The following GBGT1 variants were observed in gnomAD, a reference collection of about 807,000 sequenced individuals.
The protein encoded by GBGT1 is globoside alpha-1,3-N-acetylgalactosaminyltransferase 1 (FORS blood group).
In GBGT1, 18 loss-of-function variants were observed where a neutral mutation model predicts 20.9. The ratio of observed to expected loss-of-function variants is 0.86; its 90% CI spans 0.60 to 1.28. GBGT1 has a LOEUF of 1.28. Ranked by LOEUF, GBGT1 falls within the 50% of genes most tolerant of loss-of-function variation. The probability of loss-of-function intolerance (pLI) is 0.00; values close to 1 mark genes in which losing one functional copy is unlikely to be tolerated. For missense variants in GBGT1, 432 were observed against 455.7 expected (o/e 0.95, Z 0.47); for synonymous variants, 168 against 180.8 (o/e 0.93, Z 0.57).
In GBGT1 at chr9:133,155,092, T is replaced by C. The variant is rs1367709245; in HGVS notation, c.359+86A>G. ...CTCCCGGGTGCCCAGCAGGGTCCTG[T>C]GTGCACGTCTGGTCTGGTCTCTTCC... On this transcript the variant is annotated intron_variant, in intron 6 of 6. Transcript: ENST00000372040. The C allele has an allele frequency of 3.2e-6, 4 of 1,254,414 alleles. No homozygotes were observed. The African/African-American group carries it at 4.4e-5, about 14-fold the overall frequency. The allele number at this position is 1,254,414 out of a possible 1,614,324, so 77.7% of individuals were successfully genotyped here.
In GBGT1 at chr9:133,162,343, A is replaced by G; in HGVS notation, c.70T>C (p.Trp24Arg). 6.2e-7 allele frequency: 1 copy of G among 1,610,422 alleles called. No individual in the cohort carries two copies. The highest frequency in any genetic ancestry group is 1.1e-5 in the South Asian group (1 of 90,124). Reference sequence around the variant, plus strand: ...GGGAGCTCCGTGGGGCAGACTCACCACAGGACACTGAGGCTTGTGCCCGCC... The same window carrying G: ...GGGAGCTCCGTGGGGCAGACTCACCGCAGGACACTGAGGCTTGTGCCCGCC... ...LLAGTSLSVLWVYLENWLPVS... is the reference protein window; with the variant it reads ...LLAGTSLSVLRVYLENWLPVS... Residue 24 changes from tryptophan to arginine, a missense_variant and splice_region_variant, in exon 2 of 7, where the codon TGG becomes CGG. Transcript: ENST00000372040.
chr9:133,162,582 A>T, intron 1 of GBGT1, 50 bp from the exon 2 acceptor site: 1 of 634,128 alleles, frequency 1.6e-6, no homozygotes, highest in Non-Finnish European at 2.9e-6. Flanking sequence ...ACTCTTGTCA[A>T]CTGGGCTGGA....
chr9:133,157,311 C>G lies in GBGT1; in HGVS notation c.138-1246G>C, dbSNP rs35045388. 4.4e-3 allele frequency among the ~76,000 whole-genome samples: 643 copies of G among 146,714 alleles called. 6 individuals carry two copies. Among genetic ancestry groups the G allele is most frequent in the Middle Eastern group, 0.017 (5 of 286 alleles). ...TCAAAAAAAAAAAAAAAAAAAAGAA[C>G]TTCACCTGTGGGCTGTGGTGTCTGC... is the stretch of plus-strand genomic sequence containing the variant. On this transcript the variant is annotated intron_variant, in intron 3 of 6. Coordinates refer to ENST00000372040, the MANE Select transcript of GBGT1 (RefSeq NM_021996.6).
At position 133,154,237 on chromosome 9, in the gene GBGT1, G is replaced by C; in HGVS notation, c.384C>G (p.Phe128Leu). ...VGKYTHFIQS[F>L]LESAEEFFMR... Reference sequence around the variant, plus strand: ...TGAAGAACTCCTCGGCTGACTCCAGGAAGGACTGGATGAAATGAGTGTACC... The same window carrying C: ...TGAAGAACTCCTCGGCTGACTCCAGCAAGGACTGGATGAAATGAGTGTACC... Residue 128 changes from phenylalanine to leucine, a missense_variant, in exon 7 of 7, where the codon TTC becomes TTG. Coordinates refer to ENST00000372040, the MANE Select transcript of GBGT1 (RefSeq NM_021996.6). This position sits in a 1 kb window ranked among gnomAD's most constrained non-coding sequence, Gnocchi z 4.2. 2 of 1,532,478 alleles carry C rather than the reference G, an allele frequency of 1.3e-6. No homozygotes were observed. The highest frequency in any genetic ancestry group is 2.5e-5 in the South Asian group (2 of 79,188). 94.9% of individuals were successfully genotyped at this position (1,532,478 alleles called of 1,614,324 possible).
At chr9:133,159,821 T>C (rs1832979527) in intron 3 of GBGT1, among the ~76,000 whole-genome samples, 1 of 150,200 alleles carries the variant, frequency 6.7e-6, no homozygotes, top group African/African-American at 2.5e-5. Flanking sequence ...ACACACAAGA[T>C]AGACAAACTG....
In GBGT1 at chr9:133,153,811, G is replaced by T; in HGVS notation, c.810C>A (p.Ala270=). 1 of 1,589,288 alleles carries T rather than the reference G, an allele frequency of 6.3e-7. No individual in the cohort carries two copies. The highest frequency in any genetic ancestry group is 1.1e-5 in the South Asian group (1 of 87,806). Reference sequence around the variant, plus strand: ...AGCCCCTAGTAAACTCATATACCCTGGCCACCTGCCCCCCGAAGACTGCCC... The same window carrying T: ...AGCCCCTAGTAAACTCATATACCCTTGCCACCTGCCCCCCGAAGACTGCCC... ...YGGAVFGGQV[A]RVYEFTRGCH... is the part of the protein sequence containing the mutation. The change falls in exon 7 of 7, where the codon GCC becomes GCA. Residue 270 remains alanine, a synonymous_variant. Coordinates refer to ENST00000372040, the MANE Select transcript of GBGT1 (RefSeq NM_021996.6).
Position 133,154,362 on chromosome 9 carries a change from C to A in GBGT1, c.360-101G>T. The A allele has an allele frequency of 1.6e-6, 1 of 634,658 alleles. No homozygotes were observed. The highest frequency in any genetic ancestry group is 2.7e-5 in the East Asian group (1 of 36,970). 39.3% of individuals were successfully genotyped at this position (634,658 alleles called of 1,614,324 possible). On this transcript the variant is annotated intron_variant, in intron 6 of 6. Transcript: ENST00000372040. The surrounding 1 kb of genome is among the most constrained non-coding windows in gnomAD (Gnocchi z 4.2). ...AGGCTGGGGTCCACTTACCAGCTCC[C>A]CATCTCAAGATGTCACTCTGCTCTG...
At chr9:133,157,055 G>A (rs915581944) in intron 3 of GBGT1, among the ~76,000 whole-genome samples, 2 of 152,146 alleles carry the variant, frequency 1.3e-5, no homozygotes, top group South Asian at 2.1e-4. Flanking sequence ...GGCCCAACGC[G>A]GGCAAAGCGC....
rs1269239273 is a variant in GBGT1 at position 133,153,725 on chromosome 9, C to A, written c.896G>T (p.Ser299Ile). 1.9e-6 allele frequency: 3 copies of A among 1,613,680 alleles called. No homozygotes were observed. The highest frequency in any genetic ancestry group is 2.5e-6 in the Non-Finnish European group (3 of 1,179,900). Reference sequence around the variant, plus strand: ...TGAGATGAAGTGACGGTTCAGGTGGCTTTCCTCCCGCCAGGCAGCCATGAT... The same window carrying A: ...TGAGATGAAGTGACGGTTCAGGTGGATTTCCTCCCGCCAGGCAGCCATGAT... The part of the protein sequence containing the change: ...NGIMAAWREE[S>I]HLNRHFISNK... Residue 299 changes from serine to isoleucine, a missense_variant, in exon 7 of 7, where the codon AGC (serine) becomes ATC (isoleucine). Ser to Ile is a moderately radical substitution (Grantham distance 142, BLOSUM62 -2). Coordinates refer to ENST00000372040, the MANE Select transcript of GBGT1 (RefSeq NM_021996.6).
At position 133,154,474 on chromosome 9, in the gene GBGT1, T is replaced by C. The variant is rs937667471; in HGVS notation, c.360-213A>G. On this transcript the variant is annotated intron_variant, in intron 6 of 6. Transcript: ENST00000372040. The surrounding 1 kb of genome is among the most constrained non-coding windows in gnomAD (Gnocchi z 4.2). ...GTAAGCATGTTCCTGGTAGAGATTC[T>C]TATGCTCCTAGGCCAGGTGAACTTT... 3 of 430,010 alleles carry C rather than the reference T, an allele frequency of 7.0e-6. No homozygotes were observed. Among genetic ancestry groups the C allele is most frequent in the Non-Finnish European group, 8.2e-6 (2 of 243,336 alleles). 26.6% of individuals were successfully genotyped at this position (430,010 alleles called of 1,614,324 possible).
At position 133,153,366 on chromosome 9, in the gene GBGT1, G is replaced by C. The variant is rs1391943201; in HGVS notation, c.*211C>G. 2.5e-6 allele frequency: 1 copy of C among 396,292 alleles called. No homozygotes were observed. The highest frequency in any genetic ancestry group is 2.1e-5 in the African/African-American group (1 of 48,552). The allele number at this position is 396,292 out of a possible 1,614,324, so 24.5% of individuals were successfully genotyped here. ...TTGTAACTGCGCCTCCCCTCCCCCT[G>C]TCTCACTGTTCCCATGCCGCGTTAC... On this transcript the variant is annotated 3_prime_UTR_variant, in exon 7 of 7. Coordinates refer to ENST00000372040, the MANE Select transcript of GBGT1 (RefSeq NM_021996.6).
chr9:133,161,419 T>G (rs965516711), intron 3 of GBGT1, 48 bp downstream of exon 3: 12 of 1,204,494 alleles, frequency 1.0e-5, no homozygotes, highest in Non-Finnish European at 1.4e-5. Context: ...TCCCCAACTG[T>G]GAGCAGCCCT....
chr9:133,154,896 A>T lies in GBGT1; in HGVS notation c.359+282T>A. On this transcript the variant is annotated intron_variant, in intron 6 of 6. Transcript: ENST00000372040. This position sits in a 1 kb window ranked among gnomAD's most constrained non-coding sequence, Gnocchi z 4.2. Reference sequence around the variant, plus strand: ...AGAGACAAGGGCAGAGGAGGGGTCTAGATGAAACAGGGAGGGGCAAGGGGG... The same window carrying T: ...AGAGACAAGGGCAGAGGAGGGGTCTTGATGAAACAGGGAGGGGCAAGGGGG... 2 of 390,594 alleles carry T rather than the reference A, an allele frequency of 5.1e-6. No individual in the cohort carries two copies. Among genetic ancestry groups the T allele is most frequent in the Non-Finnish European group, 9.2e-6 (2 of 216,398 alleles). 24.2% of individuals were successfully genotyped at this position (390,594 alleles called of 1,614,324 possible).
In GBGT1 at chr9:133,153,849, A is replaced by G; in HGVS notation, c.772T>C (p.Phe258Leu). The part of the protein sequence containing the change: ...TAFVADSEGD[F>L]YYGGAVFGGQ... Reference sequence around the variant, plus strand: ...CCGAAGACTGCCCCACCATAATAGAAGTCCCCTTCGCTGTCTGCCACAAAG... The same window carrying G: ...CCGAAGACTGCCCCACCATAATAGAGGTCCCCTTCGCTGTCTGCCACAAAG... Residue 258 changes from phenylalanine (F) to leucine (L), a missense_variant, in exon 7 of 7, where the codon TTC becomes CTC. Transcript: ENST00000372040. The G allele has an allele frequency of 6.3e-7, 1 of 1,597,704 alleles. No homozygotes were observed. Among genetic ancestry groups the G allele is most frequent in the South Asian group, 1.1e-5 (1 of 89,512 alleles).
chr9:133,159,733 G>T (rs1290693324), intron 3 of GBGT1, among the ~76,000 whole-genome samples: 1 of 152,092 alleles, frequency 6.6e-6, no homozygotes, highest in Non-Finnish European at 1.5e-5. Flanking sequence ...GGAGGTCAAG[G>T]CTGTAGTGAG....
chr9:133,158,091 G>A (rs1832925180), intron 3 of GBGT1, among the ~76,000 whole-genome samples: 1 of 152,016 alleles, frequency 6.6e-6, no homozygotes, highest in South Asian at 2.1e-4. Flanking sequence ...GGTGCAGTGA[G>A]CCGAGATCCC....
rs952565369 is a variant in GBGT1 at position 133,153,049 on chromosome 9, A to G, written c.*528T>C. ...GTGCGGCTCACTTTGGGGTGCAGGAAACCGAGGGAGCCTAGACCTGTTCCA... is the reference window on the plus strand; with the variant it reads ...GTGCGGCTCACTTTGGGGTGCAGGAGACCGAGGGAGCCTAGACCTGTTCCA... On this transcript the variant is annotated 3_prime_UTR_variant, in exon 7 of 7. Transcript: ENST00000372040. 1 of 152,302 alleles carries G rather than the reference A, an allele frequency of 6.6e-6. No homozygotes were observed. Among genetic ancestry groups the G allele is most frequent in the African/African-American group, 2.4e-5 (1 of 41,444 alleles). 9.4% of individuals were successfully genotyped at this position (152,302 alleles called of 1,614,324 possible).
Position 133,153,480 on chromosome 9 carries a change from T to G in GBGT1, c.*97A>C. 2 of 870,794 alleles carry G rather than the reference T, an allele frequency of 2.3e-6. No homozygotes were observed. The allele number at this position is 870,794 out of a possible 1,614,324, so 53.9% of individuals were successfully genotyped here. On this transcript the variant is annotated 3_prime_UTR_variant, in exon 7 of 7. Transcript: ENST00000372040. Reference sequence around the variant, plus strand: ...CCTTTTCCGGTTGAATTCGCCTGACTGACAGGGAGGCGGGACAGGGCTGGT... The same window carrying G: ...CCTTTTCCGGTTGAATTCGCCTGACGGACAGGGAGGCGGGACAGGGCTGGT...
Position 133,155,243 on chromosome 9 carries a change from C to T in GBGT1, c.294G>A (p.Glu98=). 1 of 1,614,070 alleles carries T rather than the reference C, an allele frequency of 6.2e-7. No homozygotes were observed. The highest frequency in any genetic ancestry group is 8.5e-7 in the Non-Finnish European group (1 of 1,179,992). Residue 98 remains glutamate, a synonymous_variant, in exon 6 of 7, where the codon GAG becomes GAA. Coordinates refer to ENST00000372040, the MANE Select transcript of GBGT1 (RefSeq NM_021996.6). ...PIVSEGTFNP[E]LLQHIYQPLN... The stretch of plus-strand genomic sequence containing the variant: ...GTGGCTGGTAGATGTGCTGCAGAAG[C>T]TCTGGGTTGAAGGTTCCCTCGGAGA...
Sources: allele counts gnomAD v4.1 joint callset (sites outside exome capture counted in the v4.1 genomes callset), GRCh38; gene constraint gnomAD v4.1.1; non-coding constraint Gnocchi (gnomAD v3.1); transcripts MANE v1.5; gene names NCBI Gene and HGNC (gene_info 2026-07-23, HGNC 2026-07-21).